GALNT10: variants seen among roughly 807,000 people sequenced by gnomAD.
GALNT10 encodes the protein polypeptide N-acetylgalactosaminyltransferase 10, also known as GalNAc transferase 10.
GALNT10 carries 41 observed loss-of-function variants against 75.0 expected under a neutral mutation model. The observed-to-expected ratio is 0.55, with a 90% CI of 0.43 to 0.71. The LOEUF (loss-of-function observed/expected upper bound fraction) is 0.71, where lower values mean the gene tolerates loss of function less well. GALNT10 is among the 30% of genes least tolerant of loss of function. The pLI is 0.00. For missense variants in GALNT10, 727 were observed against 818.5 expected, an observed-to-expected ratio of 0.89 and a Z score of 1.36; for synonymous variants, 302 against 313.0, an observed-to-expected ratio of 0.96 and a Z score of 0.37.
rs552195935 is a variant in GALNT10, at chr5:154,298,750, C to T, written c.401+671C>T. Among the ~76,000 whole-genome samples the T allele has an allele frequency of 6.6e-6, 1 of 152,268 alleles. No homozygotes were observed. The highest frequency in any genetic ancestry group is 2.1e-4 in the South Asian group (1 of 4,822). Reference sequence around the variant, plus strand: ...CTCTGGACCTTAAGTTATCCTGCCTCCCTGTACATTTTCAGTAAGGGTCAT... The same window carrying T: ...CTCTGGACCTTAAGTTATCCTGCCTTCCTGTACATTTTCAGTAAGGGTCAT... On this transcript the variant is annotated intron_variant, in intron 3 of 11. Coordinates refer to ENST00000297107, the MANE Select transcript of GALNT10 (RefSeq NM_198321.4). This position sits in a 1 kb window ranked among gnomAD's most constrained non-coding sequence, Gnocchi z 4.1.
chr5:154,289,810 T>G (rs1283644933), intron 1 of GALNT10, among the ~76,000 whole-genome samples: 1 of 152,216 alleles, frequency 6.6e-6, no homozygotes. Context: ...AAGAACCACC[T>G]TTTGAAAGAG....
intron 1 of GALNT10, among the ~76,000 whole-genome samples, chr5:154,207,247 G>T (rs1775125178): frequency 6.6e-6 from 1 of 152,210 alleles, no homozygotes; most frequent in Non-Finnish European, 1.5e-5. Flanking sequence ...AAGAACTGCA[G>T]ACCTAAATGC....
At chr5:154,327,366 G>T (rs1484184537) in intron 3 of GALNT10, among the ~76,000 whole-genome samples, 1 of 152,312 alleles carries the variant, frequency 6.6e-6, no homozygotes, top group East Asian at 1.9e-4. Flanking sequence ...AAGTTCTTTG[G>T]CAGAATGGCT....
At position 154,416,698 on chromosome 5, in the gene GALNT10, A is replaced by C. The variant is rs1756518435; in HGVS notation, c.1654-116A>C. 1.3e-6 allele frequency: 1 copy of C among 769,666 alleles called. No homozygotes were observed. Among genetic ancestry groups the C allele is most frequent in the South Asian group, 1.6e-5 (1 of 62,368 alleles). The allele number at this position is 769,666 out of a possible 1,614,324, so 47.7% of individuals were successfully genotyped here. A position where few individuals can be genotyped will look rare whatever the true frequency, so the allele number is the denominator to read the frequency against. On this transcript the variant is annotated intron_variant, in intron 11 of 11. Transcript: ENST00000297107. The surrounding 1 kb of genome is among the most constrained non-coding windows in gnomAD (Gnocchi z 4.5). The stretch of plus-strand genomic sequence containing the variant: ...GCTCAGGAGGAAAACCAACAGGTGT[A>C]TGAACAGCTAGTCAGTCAGTCACTT...
At chr5:154,375,165 C>T (rs571122307) in intron 4 of GALNT10, among the ~76,000 whole-genome samples, 4 of 152,270 alleles carry the variant, frequency 2.6e-5, no homozygotes, top group East Asian at 3.9e-4. Flanking sequence ...AATTTACTGG[C>T]CGTATGTCTA....
intron 1 of GALNT10, among the ~76,000 whole-genome samples, chr5:154,212,064 G>A (rs1272077823): frequency 1.3e-5 from 2 of 152,176 alleles, no homozygotes; most frequent in Non-Finnish European, 2.9e-5. Context: ...GTTCCTGAAA[G>A]CCTTTTGCTT....
At chr5:154,248,156 T>A (rs1485602347) in intron 1 of GALNT10, among the ~76,000 whole-genome samples, 1 of 152,246 alleles carries the variant, frequency 6.6e-6, no homozygotes, top group Non-Finnish European at 1.5e-5. Flanking sequence ...ATCCCAGGGA[T>A]GAAGCCACTT....
chr5:154,278,846 G>T (rs982639527), intron 1 of GALNT10, among the ~76,000 whole-genome samples: 1 of 152,102 alleles, frequency 6.6e-6, no homozygotes, highest in Non-Finnish European at 1.5e-5. Context: ...TATGGTCAAG[G>T]TCTATCCATG....
At position 154,376,369 on chromosome 5, in the gene GALNT10, C is replaced by T. The variant is rs1176591241; in HGVS notation, c.661C>T (p.Arg221Ter). 1.3e-5 allele frequency: 21 copies of T among 1,610,248 alleles called. No individual in the cohort carries two copies. Among genetic ancestry groups the T allele is most frequent in the Non-Finnish European group, 1.7e-5 (20 of 1,178,442 alleles). The part of the protein sequence containing the change: ...TKKREGLIRT[R>*]MLGASVATGD... ...GAAACGGGAAGGGCTGATAAGGACCCGAATGCTGGGGGCCTCAGTGGCAAC... is the reference window on the plus strand; with the variant it reads ...GAAACGGGAAGGGCTGATAAGGACCTGAATGCTGGGGGCCTCAGTGGCAAC... Residue 221 changes from arginine (R) to a stop codon, truncating the protein, a stop_gained, in exon 5 of 12, where the codon CGA becomes TGA. Transcript: ENST00000297107. LOFTEE classifies it high-confidence loss of function. This position sits in a 1 kb window ranked among gnomAD's most constrained non-coding sequence, Gnocchi z 4.1.
chr5:154,376,491 G>C lies in GALNT10; in HGVS notation c.754+29G>C. ...AGGGAGCCCCTCCCACTTGGAGGGAGGCAAACTGCAATGAGCCAGTGCCAG... is the reference window on the plus strand; with the variant it reads ...AGGGAGCCCCTCCCACTTGGAGGGACGCAAACTGCAATGAGCCAGTGCCAG... On this transcript the variant is annotated intron_variant, in intron 5 of 11. Coordinates refer to ENST00000297107, the MANE Select transcript of GALNT10 (RefSeq NM_198321.4). This position sits in a 1 kb window ranked among gnomAD's most constrained non-coding sequence, Gnocchi z 4.1. The C allele has an allele frequency of 6.6e-7, 1 of 1,515,578 alleles. No individual in the cohort carries two copies. The highest frequency in any genetic ancestry group is 8.9e-7 in the Non-Finnish European group (1 of 1,124,532). The allele number at this position is 1,515,578 out of a possible 1,614,324, so 93.9% of individuals were successfully genotyped here.
At chr5:154,264,552 G>A (rs967498102) in intron 1 of GALNT10, among the ~76,000 whole-genome samples, 4 of 151,930 alleles carry the variant, frequency 2.6e-5, no homozygotes, top group Non-Finnish European at 4.4e-5. Context: ...CAGCAAATGC[G>A]GTAAAATATT....
At chr5:154,223,219 A>G (rs1416110008) in intron 1 of GALNT10, among the ~76,000 whole-genome samples, 1 of 152,224 alleles carries the variant, frequency 6.6e-6, no homozygotes, top group Non-Finnish European at 1.5e-5. Flanking sequence ...CATGCATTCT[A>G]ATACTAATCA....
At chr5:154,288,276 A>G (rs541149286) in intron 1 of GALNT10, among the ~76,000 whole-genome samples, 7 of 152,274 alleles carry the variant, frequency 4.6e-5, no homozygotes, top group African/African-American at 1.7e-4. Flanking sequence ...CAGTCTTGGG[A>G]TTAGAGTATG....
chr5:154,254,118 C>T (rs1441592570), intron 1 of GALNT10, among the ~76,000 whole-genome samples: 1 of 152,156 alleles, frequency 6.6e-6, no homozygotes, highest in Non-Finnish European at 1.5e-5. Flanking sequence ...CCATTGCTTC[C>T]TATTTCCTCC....
At chr5:154,413,331 G>C (rs948608096) in intron 10 of GALNT10, among the ~76,000 whole-genome samples, 1 of 152,210 alleles carries the variant, frequency 6.6e-6, no homozygotes, top group African/African-American at 2.4e-5. Flanking sequence ...TTCCCTCTCT[G>C]CGGGCCTCAT....
intron 1 of GALNT10, among the ~76,000 whole-genome samples, chr5:154,252,121 G>A (rs971057): frequency 0.65 from 98,508 of 151,906 alleles, 32,360 homozygotes; most frequent in East Asian, 0.86. Context: ...TAATGCTACC[G>A]CTGATATGAT....
intron 1 of GALNT10, among the ~76,000 whole-genome samples, chr5:154,214,310 G>A (rs1752831416): frequency 6.6e-6 from 1 of 151,924 alleles, no homozygotes; most frequent in South Asian, 2.1e-4. Flanking sequence ...ACCAACCAGA[G>A]GGACTTATCT....
chr5:154,413,237 C>CA (rs759499475), intron 10 of GALNT10, among the ~76,000 whole-genome samples: 17 of 152,206 alleles, frequency 1.1e-4, no homozygotes, highest in Admixed American at 2.6e-4. Context: ...ACACTCAGCC[C>CA]AAATGGCCTT....
chr5:154,309,783 C>T (rs932364717), intron 3 of GALNT10, among the ~76,000 whole-genome samples: 1 of 152,112 alleles, frequency 6.6e-6, no homozygotes, highest in Non-Finnish European at 1.5e-5. Context: ...GACAAGTTTG[C>T]GACACTGTTT....
Sources: gnomAD v4.1 joint callset for allele counts (sites outside exome capture counted in the v4.1 genomes callset) on GRCh38, gnomAD v4.1.1 for gene constraint, Gnocchi (gnomAD v3.1) non-coding constraint, MANE v1.5 for transcripts, NCBI Gene and HGNC (gene_info 2026-07-23, HGNC 2026-07-21) for gene names.